The following GRM5 variants were observed in gnomAD, a reference collection of about 807,000 sequenced individuals.
GRM5 encodes the protein metabotropic glutamate receptor 5.
A neutral mutation model predicts 83.1 loss-of-function variants in GRM5; 19 were observed. The ratio of observed to expected loss-of-function variants is 0.23; its 90% CI spans 0.16 to 0.34. GRM5 has a LOEUF of 0.34. Among genes scored for constraint, GRM5 ranks in the 10% least tolerant of loss-of-function variants. The probability of loss-of-function intolerance (pLI) is 1.00; values close to 1 mark genes in which losing one functional copy is unlikely to be tolerated. For missense variants in GRM5, 1,160 were observed against 1,588.3 expected (o/e 0.73, Z 4.58); for synonymous variants, 675 against 633.6 (o/e 1.07, Z -0.98).
chr11:88,541,511 TATACC>T (rs1942266967), intron 8 of GRM5, among the ~76,000 whole-genome samples: 1 of 152,120 alleles, frequency 6.6e-6, no homozygotes, highest in African/African-American at 2.4e-5. Flanking sequence ...TATAGATAGA[TATACC>T]ATAGCTCTTC....
chr11:89,024,765 T>C (rs935917312), intron 2 of GRM5, among the ~76,000 whole-genome samples: 7 of 152,214 alleles, frequency 4.6e-5, no homozygotes, highest in Non-Finnish European at 8.8e-5. Context: ...GCCAATAAGC[T>C]TGAAGTATGA....
intron 2 of GRM5, among the ~76,000 whole-genome samples, chr11:88,902,949 T>TC (rs1945338239): frequency 4.7e-5 from 1 of 21,500 alleles, no homozygotes; most frequent in Non-Finnish European, 6.4e-5. Context: ...AGACTCCATC[T>TC]CAAAAAAAAA....
intron 3 of GRM5, among the ~76,000 whole-genome samples, chr11:88,692,969 C>T (rs1017821915): frequency 2.6e-5 from 4 of 152,162 alleles, no homozygotes; most frequent in African/African-American, 7.2e-5. Context: ...AATTTTATAG[C>T]TTCTCCACTG....
At chr11:88,530,290 A>C (rs2135115931) in intron 8 of GRM5, among the ~76,000 whole-genome samples, 1 of 152,184 alleles carries the variant, frequency 6.6e-6, no homozygotes, top group Admixed American at 6.5e-5. Flanking sequence ...AAGTTTTCTT[A>C]TAAACTATGG....
rs1293441424 is a variant in GRM5 at position 88,590,566 on chromosome 11, G to T, written c.1690+35C>A. 10 of 1,590,962 alleles carry T rather than the reference G, an allele frequency of 6.3e-6. No individual in the cohort carries two copies. The South Asian group carries it at 1.1e-4, about 18-fold the overall frequency. On this transcript the variant is annotated intron_variant, in intron 7 of 9. Transcript: ENST00000305447. Reference sequence around the variant, plus strand: ...TCTCCCACGTCTGCACCATTTTTCAGTTAATTTATATGTGGTGAGATTGTG... The same window carrying T: ...TCTCCCACGTCTGCACCATTTTTCATTTAATTTATATGTGGTGAGATTGTG...
chr11:88,633,845 A>G (rs552083654), intron 4 of GRM5, among the ~76,000 whole-genome samples: 1 of 152,204 alleles, frequency 6.6e-6, no homozygotes, highest in Non-Finnish European at 1.5e-5. Flanking sequence ...GTTAATTTTT[A>G]TATACATTCA....
At position 88,573,846 on chromosome 11, in the gene GRM5, G is replaced by T. The variant is rs370975302; in HGVS notation, c.1691-5854C>A. Among the ~76,000 whole-genome samples, 80 of 152,270 alleles carry T rather than the reference G, an allele frequency of 5.3e-4. 3 individuals are homozygous for T. In the East Asian group the frequency reaches 0.012, roughly 23 times the overall value. Reference sequence around the variant, plus strand: ...CTCTCTGGATTTGGATCTCATGGATGTTGAACTGGGATCACAGGGTGATAC... The same window carrying T: ...CTCTCTGGATTTGGATCTCATGGATTTTGAACTGGGATCACAGGGTGATAC... On this transcript the variant is annotated intron_variant, in intron 7 of 9. Coordinates refer to ENST00000305447, the MANE Select transcript of GRM5 (RefSeq NM_001143831.3).
rs79098283 is a variant in GRM5, at chr11:88,763,425, A to T, written c.911+86481T>A. Among the ~76,000 whole-genome samples the T allele has an allele frequency of 1.9e-3, 292 of 151,958 alleles. 1 individual carries two copies. Among genetic ancestry groups the T allele is most frequent in the African/African-American group, 6.6e-3 (273 of 41,530 alleles). ...TACAATGCCACTTCTTGTTTTCTAC[A>T]TGACTAAATTACATAATCAAACACT... On this transcript the variant is annotated intron_variant, in intron 3 of 9. Transcript: ENST00000305447.
intron 2 of GRM5, among the ~76,000 whole-genome samples, chr11:88,891,375 C>A (rs991006368): frequency 6.6e-6 from 1 of 152,040 alleles, no homozygotes; most frequent in African/African-American, 2.4e-5. Context: ...AAACCTCTAA[C>A]ATTTAACAGA....
chr11:88,893,481 G>A (rs145591602), intron 2 of GRM5, among the ~76,000 whole-genome samples: 2,349 of 152,086 alleles, frequency 0.015, 63 homozygotes, highest in African/African-American at 0.055. Context: ...GTTTAAGCAC[G>A]TCTTAGATGG....
chr11:88,835,320 T>C lies in GRM5; in HGVS notation c.911+14586A>G, dbSNP rs368085730. The stretch of plus-strand genomic sequence containing the variant: ...TAAGCTAGATATGTTCAGAGAATTG[T>C]AATCATTTTGAGATAGAATAGGTGA... On this transcript the variant is annotated intron_variant, in intron 3 of 9. Transcript: ENST00000305447. 4.7e-4 allele frequency among the ~76,000 whole-genome samples: 72 copies of C among 152,306 alleles called. 3 individuals are homozygous for C. In the South Asian group the frequency reaches 0.015, roughly 32 times the overall value.
At chr11:88,729,301 T>C (rs1941752576) in intron 3 of GRM5, among the ~76,000 whole-genome samples, 1 of 150,950 alleles carries the variant, frequency 6.6e-6, no homozygotes, top group Non-Finnish European at 1.5e-5. Flanking sequence ...ATAAAATACC[T>C]AGGAATCCAA....
intron 2 of GRM5, among the ~76,000 whole-genome samples, chr11:89,024,098 C>T (rs1347885473): frequency 6.6e-6 from 1 of 151,916 alleles, no homozygotes; most frequent in East Asian, 1.9e-4. Flanking sequence ...CATCTATAAT[C>T]CCAGTTACTC....
At chr11:88,772,899 G>T (rs1408381778) in intron 3 of GRM5, among the ~76,000 whole-genome samples, 1 of 152,118 alleles carries the variant, frequency 6.6e-6, no homozygotes, top group Admixed American at 6.5e-5. Flanking sequence ...GAATGGTGCC[G>T]CAATAAACAT....
intron 4 of GRM5, among the ~76,000 whole-genome samples, chr11:88,648,452 A>G (rs1250941112): frequency 6.5e-5 from 8 of 123,234 alleles, no homozygotes; most frequent in East Asian, 5.0e-4. Flanking sequence ...GAATTGAACA[A>G]TGAGATCACA....
chr11:88,653,162 G>A lies in GRM5; in HGVS notation c.1147+6C>T. On this transcript the variant is annotated splice_donor_region_variant and intron_variant, in intron 4 of 9. Transcript: ENST00000305447. The stretch of plus-strand genomic sequence containing the variant: ...GCATTTTAAATGAAATAATAAATCT[G>A]CTTACTATTGCAAGTCTTGTTGTAT... 6.7e-7 allele frequency: 1 copy of A among 1,497,392 alleles called. No individual in the cohort carries two copies. The highest frequency in any genetic ancestry group is 9.3e-7 in the Non-Finnish European group (1 of 1,074,442). The allele number at this position is 1,497,392 out of a possible 1,614,324, so 92.8% of individuals were successfully genotyped here. A position where few individuals can be genotyped will look rare whatever the true frequency, so the allele number is the denominator to read the frequency against.
chr11:88,524,524 C>T lies in GRM5; in HGVS notation c.2726+785G>A, dbSNP rs556803162. ...TGAGCCAATGCGCCCGGCCCCAGGG[C>T]CCTTTTCTTAAAACCAAATCCCATG... is the stretch of plus-strand genomic sequence containing the variant. On this transcript the variant is annotated intron_variant, in intron 9 of 9. Transcript: ENST00000305447. 3.3e-5 allele frequency among the ~76,000 whole-genome samples: 5 copies of T among 152,300 alleles called. No homozygotes were observed. In the East Asian group the frequency reaches 9.6e-4, roughly 29 times the overall value.
intron 7 of GRM5, among the ~76,000 whole-genome samples, chr11:88,574,795 C>G (rs942609067): frequency 6.6e-6 from 1 of 152,074 alleles, no homozygotes; most frequent in African/African-American, 2.4e-5. Context: ...CTCATGCTGA[C>G]TAGTCATTTG....
intron 2 of GRM5, among the ~76,000 whole-genome samples, chr11:88,917,082 T>C (rs935029000): frequency 1.3e-5 from 2 of 152,178 alleles, no homozygotes; most frequent in African/African-American, 4.8e-5. Flanking sequence ...GTCCCAGCAA[T>C]GGTAGTCACA....
Sources: gnomAD v4.1 joint callset for allele counts (sites outside exome capture counted in the v4.1 genomes callset) on GRCh38, gnomAD v4.1.1 for gene constraint, MANE v1.5 for transcripts, NCBI Gene and HGNC (gene_info 2026-07-23, HGNC 2026-07-21) for gene names.